The following RFTN1 variants were observed in gnomAD, a reference collection of about 807,000 sequenced individuals.
RFTN1 encodes raftlin, lipid raft linker 1.
A neutral mutation model predicts 46.5 loss-of-function variants in RFTN1; 26 were observed. The observed-to-expected ratio is 0.56, with a 90% CI of 0.41 to 0.78. The LOEUF (loss-of-function observed/expected upper bound fraction) is 0.78. RFTN1 is among the 30% of genes least tolerant of loss of function. RFTN1 has a pLI of 0.00. For synonymous variants in RFTN1, 261 were observed against 284.2 expected, an observed-to-expected ratio of 0.92 and a Z score of 0.82; for missense variants, 693 against 718.7, an observed-to-expected ratio of 0.96 and a Z score of 0.41.
intron 2 of RFTN1, among the ~76,000 whole-genome samples, chr3:16,464,881 C>A (rs751369633): frequency 5.9e-5 from 9 of 152,224 alleles, no homozygotes; most frequent in Non-Finnish European, 1.3e-4. Flanking sequence ...TTGAAGGAAA[C>A]TGAAGCTCAG....
chr3:16,328,848 T>C (rs1407469220), intron 7 of RFTN1, among the ~76,000 whole-genome samples: 1 of 152,250 alleles, frequency 6.6e-6, no homozygotes, highest in Non-Finnish European at 1.5e-5. Flanking sequence ...GGCCAGAATC[T>C]ATCAGCTGTT....
At chr3:16,462,361 C>G (rs1408526608) in intron 2 of RFTN1, among the ~76,000 whole-genome samples, 1 of 152,198 alleles carries the variant, frequency 6.6e-6, no homozygotes, top group Non-Finnish European at 1.5e-5. Context: ...TGTCCATGTC[C>G]TAATCCCTAG....
At chr3:16,496,341 A>G (rs2076625943) in intron 1 of RFTN1, among the ~76,000 whole-genome samples, 1 of 152,276 alleles carries the variant, frequency 6.6e-6, no homozygotes, top group Non-Finnish European at 1.5e-5. Context: ...TTCATGCAAC[A>G]AAGGACTCAC....
chr3:16,431,562 T>C (rs2075388768), intron 3 of RFTN1, among the ~76,000 whole-genome samples: 1 of 151,592 alleles, frequency 6.6e-6, no homozygotes, highest in South Asian at 2.1e-4. Flanking sequence ...CCTGAGCTCA[T>C]GTCACCGCCT....
chr3:16,397,817 C>T (rs1049880230), intron 4 of RFTN1, among the ~76,000 whole-genome samples: 3 of 151,862 alleles, frequency 2.0e-5, no homozygotes, highest in African/African-American at 7.3e-5. Context: ...TTCTTTCTCT[C>T]ACCTTGAAAA....
chr3:16,462,422 C>A (rs974873860), intron 2 of RFTN1, among the ~76,000 whole-genome samples: 1 of 152,184 alleles, frequency 6.6e-6, no homozygotes, highest in African/African-American at 2.4e-5. Context: ...AAGTTAAGGA[C>A]CTTGGAAAGA....
intron 2 of RFTN1, among the ~76,000 whole-genome samples, chr3:16,485,930 A>T (rs913399632): frequency 6.6e-6 from 1 of 152,236 alleles, no homozygotes; most frequent in Admixed American, 6.5e-5. Flanking sequence ...TTACCTGCCA[A>T]ATCAATTTCT....
Position 16,391,874 on chromosome 3 carries a change from TTTTTTTTGTTTTTTTTTTTG to T in RFTN1, c.442-13792_442-13773del, listed in dbSNP as rs1559317840. On this transcript the variant is annotated intron_variant, in intron 4 of 9. Coordinates refer to ENST00000334133, the MANE Select transcript of RFTN1 (RefSeq NM_015150.2). ...AGTGCAAAGGTTTTTTTTTTGTTTT[TTTTTTTTGTTTTTTTTTTTG>T]TTTTTTTTACGGGGAAGAAAGCTAA... 2.0e-3 allele frequency among the ~76,000 whole-genome samples: 42 copies of T among 20,836 alleles called. 3 individuals carry two copies. The highest frequency in any genetic ancestry group is 5.1e-3 in the Admixed American group (9 of 1,770). The allele number at this position is 20,836 out of a possible 152,430, so 13.7% of individuals were successfully genotyped here.
At chr3:16,332,816 T>C (rs1383945970) in intron 7 of RFTN1, among the ~76,000 whole-genome samples, 3 of 147,774 alleles carry the variant, frequency 2.0e-5, no homozygotes, top group Non-Finnish European at 4.5e-5. Flanking sequence ...CTAATCTTTT[T>C]GTTCTTGTGG....
At position 16,326,843 on chromosome 3, in the gene RFTN1, G is replaced by A; in HGVS notation, c.1180C>T (p.Leu394=). 6.2e-7 allele frequency: 1 copy of A among 1,614,110 alleles called. No homozygotes were observed. The highest frequency in any genetic ancestry group is 8.5e-7 in the Non-Finnish European group (1 of 1,180,004). ...VEVQTDYVPL[L]NSLAAYGWQL... is the part of the protein sequence containing the mutation. ...CAGCCATAGGCCGCCAGCGAGTTCA[G>A]CAGGGGCACGTAGTCTGTCTGCACT... The change falls in exon 8 of 10, where the codon CTG becomes TTG. Residue 394 remains leucine (L), a synonymous_variant. Coordinates refer to ENST00000334133, the MANE Select transcript of RFTN1 (RefSeq NM_015150.2).
intron 9 of RFTN1, among the ~76,000 whole-genome samples, chr3:16,319,048 G>C (rs1168036174): frequency 1.3e-5 from 2 of 152,204 alleles, no homozygotes; most frequent in Non-Finnish European, 2.9e-5. Context: ...ATAGTTTCCA[G>C]GCACCGTGTT....
rs540045634 is a variant in RFTN1, at chr3:16,481,215, C to A, written c.145+12510G>T. On this transcript the variant is annotated intron_variant, in intron 2 of 9. Coordinates refer to ENST00000334133, the MANE Select transcript of RFTN1 (RefSeq NM_015150.2). This position sits in a 1 kb window ranked among gnomAD's most constrained non-coding sequence, Gnocchi z 5.1. Reference sequence around the variant, plus strand: ...AGTGAATATTTAACAATAACACTAACGCTAATAGCAGACTTGGTCGCAACA... The same window carrying A: ...AGTGAATATTTAACAATAACACTAAAGCTAATAGCAGACTTGGTCGCAACA... 8.5e-5 allele frequency among the ~76,000 whole-genome samples: 13 copies of A among 152,280 alleles called. No individual in the cohort carries two copies. Among genetic ancestry groups the A allele is most frequent in the African/African-American group, 2.6e-4 (11 of 41,552 alleles).
At chr3:16,493,594 T>G in intron 2 of RFTN1, 131 bp downstream of exon 2, 4 of 842,730 alleles carry the variant, frequency 4.7e-6, no homozygotes, top group African/African-American at 1.7e-5. Context: ...GCCGCCCCCT[T>G]GAGACAGGCC....
intron 4 of RFTN1, among the ~76,000 whole-genome samples, chr3:16,397,866 A>G (rs564151710): frequency 6.6e-6 from 1 of 152,254 alleles, no homozygotes; most frequent in South Asian, 2.1e-4. Context: ...GCCAGGAGAA[A>G]GTTCTCAGGT....
At chr3:16,434,359 C>T (rs903100096) in intron 2 of RFTN1, among the ~76,000 whole-genome samples, 5 of 125,142 alleles carry the variant, frequency 4.0e-5, no homozygotes, top group Non-Finnish European at 1.6e-5. Flanking sequence ...CTCGGTCTCT[C>T]TTAAACAAAC....
chr3:16,321,381 A>G lies in RFTN1; in HGVS notation c.1332+1995T>C, dbSNP rs2069033583. Among the ~76,000 whole-genome samples the G allele has an allele frequency of 6.6e-6, 1 of 152,202 alleles. No individual in the cohort carries two copies. Among genetic ancestry groups the G allele is most frequent in the Non-Finnish European group, 1.5e-5 (1 of 68,026 alleles). On this transcript the variant is annotated intron_variant, in intron 9 of 9. Transcript: ENST00000334133. This position sits in a 1 kb window ranked among gnomAD's most constrained non-coding sequence, Gnocchi z 4.8. The stretch of plus-strand genomic sequence containing the variant: ...GGAAACCAGGAGAATGAGGTGGGAA[A>G]GAACCAAGAGAAAAGCTGCTTCAGG...
rs1469780245 is a variant in RFTN1, at chr3:16,361,131, CAA to C, written c.1031-3086_1031-3085del. ...AGGCTCTTGAAGGCCTAACTAGAATCAAAGAGTTTTTTAAAACTATGGGGAGA... is the reference window on the plus strand; with the variant it reads ...AGGCTCTTGAAGGCCTAACTAGAATCAGAGTTTTTTAAAACTATGGGGAGA... On this transcript the variant is annotated intron_variant, in intron 6 of 9. Coordinates refer to ENST00000334133, the MANE Select transcript of RFTN1 (RefSeq NM_015150.2). This position sits in a 1 kb window ranked among gnomAD's most constrained non-coding sequence, Gnocchi z 4.3. 6.6e-6 allele frequency among the ~76,000 whole-genome samples: 1 copy of C among 152,106 alleles called. No homozygotes were observed. The highest frequency in any genetic ancestry group is 2.4e-5 in the African/African-American group (1 of 41,404).
chr3:16,433,885 T>G lies in RFTN1; in HGVS notation c.298A>C (p.Ile100Leu), dbSNP rs910359646. 1 of 1,614,158 alleles carries G rather than the reference T, an allele frequency of 6.2e-7. No individual in the cohort carries two copies. The highest frequency in any genetic ancestry group is 8.5e-7 in the Non-Finnish European group (1 of 1,180,020). The change falls in exon 3 of 10, where the codon ATC (isoleucine) becomes CTC (leucine). Residue 100 changes from isoleucine to leucine, a missense_variant. Coordinates refer to ENST00000334133, the MANE Select transcript of RFTN1 (RefSeq NM_015150.2). The surrounding 1 kb of genome is among the most constrained non-coding windows in gnomAD (Gnocchi z 4.4). ...TTCTTGATCAGGATGGCTCTAAAGA[T>G]GTGCTCCAGGGGCGTCTTCTCCCGC... ...HEREKTPLEHIFRAILIKKTD... is the reference protein window; with the variant it reads ...HEREKTPLEHLFRAILIKKTD...
chr3:16,394,357 C>T (rs2074420565), intron 4 of RFTN1, among the ~76,000 whole-genome samples: 1 of 152,162 alleles, frequency 6.6e-6, no homozygotes, highest in African/African-American at 2.4e-5. Flanking sequence ...GCTTGGGCAA[C>T]ACAGTGAGAC....
Sources: allele counts gnomAD v4.1 joint callset (sites outside exome capture counted in the v4.1 genomes callset), GRCh38; gene constraint gnomAD v4.1.1; non-coding constraint Gnocchi (gnomAD v3.1); transcripts MANE v1.5; gene names NCBI Gene and HGNC (gene_info 2026-07-23, HGNC 2026-07-21).